The following TECRL variants were observed in gnomAD, a reference collection of about 807,000 sequenced individuals.
The protein encoded by TECRL is trans-2,3-enoyl-CoA reductase like.
In TECRL, 63 loss-of-function variants were observed where a neutral mutation model predicts 52.8. The ratio of observed to expected loss-of-function variants is 1.19; its 90% CI spans 0.97 to 1.47. TECRL has a LOEUF of 1.47. Ranked by LOEUF, TECRL falls within the 40% of genes most tolerant of loss-of-function variation. The probability of loss-of-function intolerance (pLI) is 0.00; values close to 1 mark genes in which losing one functional copy is unlikely to be tolerated. For synonymous variants in TECRL, 164 were observed against 141.9 expected (o/e 1.16, Z -1.10); for missense variants, 482 against 429.6 (o/e 1.12, Z -1.08).
chr4:64,295,530 G>T (rs988260129), intron 8 of TECRL, among the ~76,000 whole-genome samples: 3 of 151,240 alleles, frequency 2.0e-5, no homozygotes, highest in Non-Finnish European at 4.4e-5. Flanking sequence ...ATGCAATATT[G>T]TATAACATAA....
intron 2 of TECRL, among the ~76,000 whole-genome samples, chr4:64,363,373 G>T (rs567000046): frequency 4.8e-4 from 73 of 152,086 alleles, no homozygotes; most frequent in Non-Finnish European, 8.4e-4. Flanking sequence ...TAAAGAAATG[G>T]CACTTCAACA....
intron 4 of TECRL, among the ~76,000 whole-genome samples, chr4:64,315,767 GTAAT>G (rs752271927): frequency 6.6e-6 from 1 of 151,942 alleles, no homozygotes; most frequent in Non-Finnish European, 1.5e-5. Flanking sequence ...ATATATGTGT[GTAAT>G]TAAAAGTTTT....
intron 5 of TECRL, among the ~76,000 whole-genome samples, chr4:64,312,891 G>A (rs557549648): frequency 2.6e-5 from 4 of 152,222 alleles, no homozygotes; most frequent in Non-Finnish European, 4.4e-5. Flanking sequence ...AACGCTTTTA[G>A]GTTCTCCTTC....
intron 9 of TECRL, among the ~76,000 whole-genome samples, chr4:64,282,590 T>C (rs2348312): frequency 0.97 from 147,065 of 151,974 alleles, 71,179 homozygotes; most frequent in East Asian, 1. Context: ...TTGAGGAATC[T>C]ACCCAAGTTA....
chr4:64,358,668 T>C (rs1460282702), intron 2 of TECRL, among the ~76,000 whole-genome samples: 1 of 151,688 alleles, frequency 6.6e-6, no homozygotes, highest in East Asian at 1.9e-4. Context: ...TATTATTATC[T>C]TTCAAAAATA....
At chr4:64,347,864 G>A (rs1168845821) in intron 2 of TECRL, among the ~76,000 whole-genome samples, 2 of 152,028 alleles carry the variant, frequency 1.3e-5, no homozygotes, top group Non-Finnish European at 2.9e-5. Flanking sequence ...CAAATCTAAT[G>A]TCTTTTCACA....
intron 2 of TECRL, among the ~76,000 whole-genome samples, chr4:64,355,893 G>A (rs1193776432): frequency 6.6e-6 from 1 of 151,748 alleles, no homozygotes; most frequent in Admixed American, 6.6e-5. Context: ...GGAAAAGAAA[G>A]AGAGATCAGG....
chr4:64,374,027 T>TATATATATATGTATATAGTAGATAC (rs1269336217), intron 2 of TECRL, among the ~76,000 whole-genome samples: 2 of 82,504 alleles, frequency 2.4e-5, no homozygotes, highest in African/African-American at 9.1e-5. Flanking sequence ...AGTAGATACA[T>TATATATATATGTATATAGTAGATAC]ATATATATAT....
At chr4:64,298,270 T>G (rs982742067) in intron 8 of TECRL, among the ~76,000 whole-genome samples, 3 of 151,268 alleles carry the variant, frequency 2.0e-5, no homozygotes, top group Non-Finnish European at 3.0e-5. Context: ...ACATAGTCTA[T>G]TACACCATCT....
chr4:64,359,078 T>C (rs1169284908), intron 2 of TECRL, among the ~76,000 whole-genome samples: 2 of 151,838 alleles, frequency 1.3e-5, no homozygotes, highest in Non-Finnish European at 2.9e-5. Context: ...CTTTTTATGG[T>C]TTTCTGAAAA....
chr4:64,301,793 T>G (rs1209499515), intron 7 of TECRL, among the ~76,000 whole-genome samples: 1 of 151,238 alleles, frequency 6.6e-6, no homozygotes, highest in Non-Finnish European at 1.5e-5. Flanking sequence ...GCCTTATTCT[T>G]ATTTTTAAAT....
chr4:64,366,059 G>A (rs1442366183), intron 2 of TECRL, among the ~76,000 whole-genome samples: 7 of 151,914 alleles, frequency 4.6e-5, no homozygotes, highest in Admixed American at 4.6e-4. Context: ...GAACAGAATA[G>A]GGAGCCCAGA....
rs910723110 is a variant in TECRL at position 64,281,576 on chromosome 4, T to C, written c.833-17A>G. On this transcript the variant is annotated splice_polypyrimidine_tract_variant and intron_variant, in intron 9 of 11. Transcript: ENST00000381210. ...CATTGTTTCCTTTTTCAAAGGAAAG[T>C]AAAATGTCAATGATGCTACACATTG... 1.4e-6 allele frequency: 2 copies of C among 1,436,450 alleles called. No homozygotes were observed. The highest frequency in any genetic ancestry group is 1.8e-5 in the Admixed American group (1 of 55,220). The allele number at this position is 1,436,450 out of a possible 1,614,324, so 89.0% of individuals were successfully genotyped here.
At chr4:64,352,850 G>A (rs1346288595) in intron 2 of TECRL, among the ~76,000 whole-genome samples, 1 of 152,144 alleles carries the variant, frequency 6.6e-6, no homozygotes, top group African/African-American at 2.4e-5. Flanking sequence ...TCTAAAAAAA[G>A]TATAACTTGT....
At chr4:64,299,882 T>C in intron 8 of TECRL, 92 bp downstream of exon 8, 1 of 563,670 alleles carries the variant, frequency 1.8e-6, no homozygotes, top group East Asian at 3.3e-5. Flanking sequence ...ATATATCATA[T>C]TTTCTACATG....
chr4:64,284,576 G>T (rs549649714), intron 9 of TECRL, among the ~76,000 whole-genome samples: 1 of 152,038 alleles, frequency 6.6e-6, no homozygotes, highest in African/African-American at 2.4e-5. Context: ...AGTAGTGAAC[G>T]GGATTAAAGG....
At chr4:64,292,843 A>G (rs1723466251) in intron 8 of TECRL, among the ~76,000 whole-genome samples, 1 of 152,074 alleles carries the variant, frequency 6.6e-6, no homozygotes, top group South Asian at 2.1e-4. Flanking sequence ...GATGGTAAAT[A>G]ATATGTAATG....
chr4:64,379,247 T>TACACACAC (rs4034911), intron 1 of TECRL, among the ~76,000 whole-genome samples: 1 of 145,328 alleles, frequency 6.9e-6, no homozygotes, highest in African/African-American at 2.5e-5. Flanking sequence ...CACACACACA[T>TACACACAC]ACACACACAC....
intron 9 of TECRL, among the ~76,000 whole-genome samples, chr4:64,288,169 GA>G (rs1723178751): frequency 6.6e-6 from 1 of 150,932 alleles, no homozygotes; most frequent in African/African-American, 2.4e-5. Context: ...AAAAAGAAAA[GA>G]AATACAAAAT....
Sources: allele counts gnomAD v4.1 joint callset (sites outside exome capture counted in the v4.1 genomes callset), GRCh38; gene constraint gnomAD v4.1.1; transcripts MANE v1.5; gene names NCBI Gene and HGNC (gene_info 2026-07-23, HGNC 2026-07-21).